BCAS3: variants seen among roughly 807,000 people sequenced by gnomAD.
The protein encoded by BCAS3 is BCAS4/BCAS3 fusion.
Under a neutral mutation model 116.1 loss-of-function variants are expected in BCAS3, and 53 were observed. The ratio of observed to expected loss-of-function variants is 0.46; its 90% CI spans 0.37 to 0.57. BCAS3 has a LOEUF of 0.57. BCAS3 is among the 20% of genes least tolerant of loss of function. The probability of loss-of-function intolerance (pLI) is 0.00; values close to 1 mark genes in which losing one functional copy is unlikely to be tolerated. For missense variants in BCAS3, 917 were observed against 1,165.4 expected (o/e 0.79, Z 3.10); for synonymous variants, 391 against 408.2 (o/e 0.96, Z 0.51).
intron 22 of BCAS3, among the ~76,000 whole-genome samples, chr17:61,221,701 G>C (rs909162195): frequency 6.6e-6 from 1 of 152,120 alleles, no homozygotes; most frequent in Non-Finnish European, 1.5e-5. Context: ...AGGCTTAGAT[G>C]TGCCTGTGGT....
chr17:60,926,762 T>C (rs2059384864), intron 13 of BCAS3, among the ~76,000 whole-genome samples: 1 of 152,188 alleles, frequency 6.6e-6, no homozygotes, highest in South Asian at 2.1e-4. Context: ...TGTATTTTTT[T>C]CCTGTGACTT....
intron 7 of BCAS3, among the ~76,000 whole-genome samples, chr17:60,861,248 C>T (rs934684114): frequency 5.3e-5 from 8 of 152,190 alleles, no homozygotes; most frequent in South Asian, 4.2e-4. Context: ...ATTCCTTTTA[C>T]GGCTATTGTG....
chr17:60,916,429 A>G (rs1260183392), intron 12 of BCAS3, among the ~76,000 whole-genome samples: 5 of 152,206 alleles, frequency 3.3e-5, no homozygotes, highest in African/African-American at 7.2e-5. Flanking sequence ...AAAAAGGAAA[A>G]CTAAGAGAAC....
At chr17:61,280,959 T>C (rs1346553080) in intron 22 of BCAS3, among the ~76,000 whole-genome samples, 3 of 152,230 alleles carry the variant, frequency 2.0e-5, no homozygotes, top group Non-Finnish European at 2.9e-5. Context: ...TTACATACTA[T>C]GTGGTTTAAA....
rs1568665379 is a variant in BCAS3 at position 61,249,639 on chromosome 17, C to T, written c.2426-118688C>T. ...ATGGAAGAGTTTTCCCTTAACTGAT[C>T]TAAGGGAAAATTCTTTTTCTCGTGT... On this transcript the variant is annotated intron_variant, in intron 22 of 23. Coordinates refer to ENST00000407086, the MANE Select transcript of BCAS3 (RefSeq NM_017679.5). The surrounding 1 kb of genome is among the most constrained non-coding windows in gnomAD (Gnocchi z 6.2). 6.6e-6 allele frequency among the ~76,000 whole-genome samples: 1 copy of T among 152,082 alleles called. No homozygotes were observed. Among genetic ancestry groups the T allele is most frequent in the Non-Finnish European group, 1.5e-5 (1 of 68,008 alleles).
chr17:61,015,843 A>T lies in BCAS3; in HGVS notation c.1579A>T (p.Met527Leu), dbSNP rs1305184824. 2 of 1,613,986 alleles carry T rather than the reference A, an allele frequency of 1.2e-6. No individual in the cohort carries two copies. Among genetic ancestry groups the T allele is most frequent in the Non-Finnish European group, 1.7e-6 (2 of 1,179,994 alleles). The stretch of plus-strand genomic sequence containing the variant: ...TCCTCTTCCCAGCTTGATGGTAGTG[A>T]TGCCTCTTGCACAAATCAAGCAGCC... Reference protein sequence around the residue: ...LSPLPSLMVVMPLAQIKQPMT... With the variant: ...LSPLPSLMVVLPLAQIKQPMT... The change falls in exon 16 of 24, where the codon ATG becomes TTG. Residue 527 changes from methionine (M) to leucine (L), a missense_variant. Physicochemically the swap from Met to Leu is conservative, Grantham distance 15. Coordinates refer to ENST00000407086, the MANE Select transcript of BCAS3 (RefSeq NM_017679.5).
chr17:60,837,495 A>G (rs2051465172), intron 7 of BCAS3, among the ~76,000 whole-genome samples: 1 of 152,226 alleles, frequency 6.6e-6, no homozygotes, highest in African/African-American at 2.4e-5. Flanking sequence ...AATAAAAGAT[A>G]ATAAGGTAAT....
intron 6 of BCAS3, among the ~76,000 whole-genome samples, chr17:60,773,523 A>T (rs2044959473): frequency 6.6e-6 from 1 of 151,652 alleles, no homozygotes; most frequent in Non-Finnish European, 1.5e-5. Flanking sequence ...AAACTCTCGG[A>T]CTCAAACCAT....
At chr17:61,058,575 C>T (rs956174359) in intron 19 of BCAS3, among the ~76,000 whole-genome samples, 9 of 152,090 alleles carry the variant, frequency 5.9e-5, no homozygotes, top group South Asian at 2.1e-4. Context: ...GTATTTTCTA[C>T]GATGAAAAAT....
At position 61,181,627 on chromosome 17, in the gene BCAS3, T is replaced by C. The variant is rs974705438; in HGVS notation, c.2425+97063T>C. Reference sequence around the variant, plus strand: ...TGCCAAATGCTGAGAAAGCAGACAGTAATTGATGTAGTGAAGATATTTTGC... The same window carrying C: ...TGCCAAATGCTGAGAAAGCAGACAGCAATTGATGTAGTGAAGATATTTTGC... On this transcript the variant is annotated intron_variant, in intron 22 of 23. Coordinates refer to ENST00000407086, the MANE Select transcript of BCAS3 (RefSeq NM_017679.5). The surrounding 1 kb of genome is among the most constrained non-coding windows in gnomAD (Gnocchi z 5.0). Among the ~76,000 whole-genome samples the C allele has an allele frequency of 6.6e-6, 1 of 152,222 alleles. No individual in the cohort carries two copies. The highest frequency in any genetic ancestry group is 2.4e-5 in the African/African-American group (1 of 41,458).
chr17:61,107,955 C>T (rs2074781251), intron 22 of BCAS3, among the ~76,000 whole-genome samples: 1 of 152,316 alleles, frequency 6.6e-6, no homozygotes, highest in South Asian at 2.1e-4. Flanking sequence ...TCCATACTGT[C>T]TGTATTATTT....
At chr17:60,744,886 T>C (rs1430495446) in intron 5 of BCAS3, among the ~76,000 whole-genome samples, 1 of 152,182 alleles carries the variant, frequency 6.6e-6, no homozygotes, top group Non-Finnish European at 1.5e-5. Context: ...TAGGTTTGTT[T>C]TGAAAGCTGT....
intron 22 of BCAS3, among the ~76,000 whole-genome samples, chr17:61,322,873 A>G: frequency 6.9e-6 from 1 of 144,356 alleles, no homozygotes; most frequent in Non-Finnish European, 1.5e-5. Flanking sequence ...AGAGAGAGAG[A>G]GAGAGAGGTG....
rs1234016248 is a variant in BCAS3, at chr17:60,989,791, A to G, written c.1222-180A>G. Among the ~76,000 whole-genome samples, 3 of 152,138 alleles carry G rather than the reference A, an allele frequency of 2.0e-5. No individual in the cohort carries two copies. In the East Asian group the frequency reaches 5.8e-4, roughly 29 times the overall value. ...ATTGAAGTAACATTCTACCTAATGG[A>G]GTTTTGATCAACAGTCATTGTGAAA... On this transcript the variant is annotated intron_variant, in intron 14 of 23. Coordinates refer to ENST00000407086, the MANE Select transcript of BCAS3 (RefSeq NM_017679.5).
At chr17:60,705,721 G>C (rs945367289) in intron 4 of BCAS3, among the ~76,000 whole-genome samples, 1 of 152,122 alleles carries the variant, frequency 6.6e-6, no homozygotes, top group Non-Finnish European at 1.5e-5. Flanking sequence ...AGAGGAAACA[G>C]TGCCAGAAGA....
rs2076492664 is a variant in BCAS3 at position 61,134,171 on chromosome 17, TC to T, written c.2425+49608del. On this transcript the variant is annotated intron_variant, in intron 22 of 23. Coordinates refer to ENST00000407086, the MANE Select transcript of BCAS3 (RefSeq NM_017679.5). This position sits in a 1 kb window ranked among gnomAD's most constrained non-coding sequence, Gnocchi z 4.6. ...AGTATGAATTAAATAAAAGTCACATTCATAATGAACACTGGAGCAATTATAC... is the reference window on the plus strand; with the variant it reads ...AGTATGAATTAAATAAAAGTCACATTATAATGAACACTGGAGCAATTATAC... 6.6e-6 allele frequency among the ~76,000 whole-genome samples: 1 copy of T among 152,146 alleles called. No homozygotes were observed. Among genetic ancestry groups the T allele is most frequent in the Admixed American group, 6.6e-5 (1 of 15,262 alleles).
At chr17:60,736,375 G>T (rs886790682) in intron 5 of BCAS3, among the ~76,000 whole-genome samples, 1 of 151,004 alleles carries the variant, frequency 6.6e-6, no homozygotes, top group Admixed American at 6.6e-5. Context: ...TATTAGAGAC[G>T]GTGTTTCTCC....
At chr17:61,121,825 G>A (rs1217559237) in intron 22 of BCAS3, among the ~76,000 whole-genome samples, 1 of 152,146 alleles carries the variant, frequency 6.6e-6, no homozygotes, top group African/African-American at 2.4e-5. Context: ...CCGCCTCCCG[G>A]GTTCAAGCAG....
rs1475489328 is a variant in BCAS3 at position 61,141,021 on chromosome 17, A to G, written c.2425+56457A>G. Among the ~76,000 whole-genome samples, 1 of 151,924 alleles carries G rather than the reference A, an allele frequency of 6.6e-6. No individual in the cohort carries two copies. The highest frequency in any genetic ancestry group is 1.5e-5 in the Non-Finnish European group (1 of 67,978). The stretch of plus-strand genomic sequence containing the variant: ...GTGAGAGATCATTGCTACCACTTCT[A>G]CTTTTCATTATCATGTCTCTTTATC... On this transcript the variant is annotated intron_variant, in intron 22 of 23. Transcript: ENST00000407086. This position sits in a 1 kb window ranked among gnomAD's most constrained non-coding sequence, Gnocchi z 4.3.
Sources: allele counts gnomAD v4.1 joint callset (sites outside exome capture counted in the v4.1 genomes callset), GRCh38; gene constraint gnomAD v4.1.1; non-coding constraint Gnocchi (gnomAD v3.1); transcripts MANE v1.5; gene names NCBI Gene and HGNC (gene_info 2026-07-23, HGNC 2026-07-21).